Variants in KCNK10 observed in about 807,000 individuals in gnomAD.
KCNK10 encodes the protein potassium channel subfamily K member 10.
In KCNK10, 25 loss-of-function variants were observed where a neutral mutation model predicts 47.7. The observed-to-expected ratio is 0.52, with a 90% confidence interval of 0.38 to 0.73. The LOEUF is 0.73. Ranked by LOEUF, KCNK10 falls within the 30% of genes least tolerant of loss-of-function variation. KCNK10 has a pLI of 0.00. For missense variants in KCNK10, 563 were observed against 714.5 expected, an observed-to-expected ratio of 0.79 and a Z score of 2.42; for synonymous variants, 303 against 285.6, an observed-to-expected ratio of 1.06 and a Z score of -0.61.
chr14:88,267,254 CT>C (rs1370362942), intron 1 of KCNK10, among the ~76,000 whole-genome samples: 3 of 152,178 alleles, frequency 2.0e-5, no homozygotes, highest in African/African-American at 7.2e-5. Context: ...GTTACAAAAC[CT>C]TTTGTGCATT....
chr14:88,287,380 C>T (rs418742), intron 1 of KCNK10, among the ~76,000 whole-genome samples: 24,257 of 152,050 alleles, frequency 0.16, 2,577 homozygotes, highest in African/African-American at 0.3. Context: ...CATGACTAAG[C>T]TCTTTAGTGG....
chr14:88,268,831 C>T (rs1230263483), intron 1 of KCNK10, among the ~76,000 whole-genome samples: 1 of 152,188 alleles, frequency 6.6e-6, no homozygotes, highest in Non-Finnish European at 1.5e-5. Flanking sequence ...AAGGTAATAT[C>T]CTTTCTGCTA....
chr14:88,193,641 T>A (rs1402894648), intron 4 of KCNK10, among the ~76,000 whole-genome samples: 2 of 152,204 alleles, frequency 1.3e-5, no homozygotes, highest in Non-Finnish European at 1.5e-5. Context: ...ACCTGCATCC[T>A]CTTCATCGCA....
At chr14:88,207,874 A>G (rs1424899833) in intron 4 of KCNK10, among the ~76,000 whole-genome samples, 1 of 152,168 alleles carries the variant, frequency 6.6e-6, no homozygotes, top group East Asian at 1.9e-4. Flanking sequence ...GACCTCATTT[A>G]GAAGTCAGGA....
intron 4 of KCNK10, among the ~76,000 whole-genome samples, chr14:88,225,773 G>A (rs1006862102): frequency 3.9e-5 from 6 of 152,182 alleles, no homozygotes; most frequent in Non-Finnish European, 7.3e-5. Context: ...CTAAGTCAGA[G>A]GGCCATGAGG....
intron 4 of KCNK10, among the ~76,000 whole-genome samples, chr14:88,224,461 T>G (rs2139868723): frequency 6.6e-6 from 1 of 152,362 alleles, no homozygotes; most frequent in South Asian, 2.1e-4. Flanking sequence ...GGCATTTTAT[T>G]ATTCTGCAAC....
chr14:88,280,186 CAG>C (rs1887618957), intron 1 of KCNK10, among the ~76,000 whole-genome samples: 2 of 152,192 alleles, frequency 1.3e-5, no homozygotes, highest in South Asian at 4.1e-4. Context: ...GCTACCGACA[CAG>C]GGGACACCAA....
rs1595137613 is a variant in KCNK10, at chr14:88,322,995, G to A, written c.-197C>T. 1 of 1,407,524 alleles carries A rather than the reference G, an allele frequency of 7.1e-7. No homozygotes were observed. The highest frequency in any genetic ancestry group is 2.6e-5 in the East Asian group (1 of 37,772). The allele number at this position is 1,407,524 out of a possible 1,614,324, so 87.2% of individuals were successfully genotyped here. A position where few individuals can be genotyped will look rare whatever the true frequency, so the allele number is the denominator to read the frequency against. On this transcript the variant is annotated 5_prime_UTR_variant, in exon 1 of 7. Coordinates refer to ENST00000319231, the MANE Select transcript of KCNK10 (RefSeq NM_138317.3). This position sits in a 1 kb window ranked among gnomAD's most constrained non-coding sequence, Gnocchi z 4.8. ...TGGGGGAGAACTGGAGAGGGCTTGG[G>A]TGTTTGCACCGGCCAGGGGGTGGCC...
At chr14:88,252,158 G>T (rs563841145) in intron 2 of KCNK10, among the ~76,000 whole-genome samples, 1 of 151,836 alleles carries the variant, frequency 6.6e-6, no homozygotes, top group South Asian at 2.1e-4. Flanking sequence ...CAAGTGATCC[G>T]CCTGCCTCAG....
intron 4 of KCNK10, among the ~76,000 whole-genome samples, chr14:88,212,332 C>T (rs959396622): frequency 2.6e-5 from 4 of 151,524 alleles, no homozygotes; most frequent in Admixed American, 2.6e-4. Flanking sequence ...CCCAGCGATA[C>T]AGGAGGCTGA....
At chr14:88,259,203 G>A (rs925289300) in intron 2 of KCNK10, among the ~76,000 whole-genome samples, 5 of 152,230 alleles carry the variant, frequency 3.3e-5, no homozygotes, top group South Asian at 2.1e-4. Flanking sequence ...TGGTCTGTAA[G>A]AGTGGACACT....
intron 1 of KCNK10, among the ~76,000 whole-genome samples, chr14:88,267,977 C>A (rs995045501): frequency 3.3e-5 from 5 of 152,096 alleles, no homozygotes; most frequent in Admixed American, 2.6e-4. Flanking sequence ...CTGCATGAGT[C>A]CAGGTAGGAC....
rs116826075 is a variant in KCNK10, at chr14:88,309,577, G to A, written c.52+13170C>T. Among the ~76,000 whole-genome samples the A allele has an allele frequency of 5.0e-3, 762 of 152,202 alleles. 2 individuals are homozygous for A. Among genetic ancestry groups the A allele is most frequent in the African/African-American group, 0.017 (721 of 41,524 alleles). On this transcript the variant is annotated intron_variant, in intron 1 of 6. Transcript: ENST00000319231. ...TGATTGCACCGCTGCACTCCAGCTC[G>A]GGCGACAAATCAAGATCTTGTCTCA...
chr14:88,306,597 A>G (rs1181299848), intron 1 of KCNK10, among the ~76,000 whole-genome samples: 1 of 151,828 alleles, frequency 6.6e-6, no homozygotes, highest in Non-Finnish European at 1.5e-5. Context: ...CCTTCCATGA[A>G]TACCTGTCCC....
intron 6 of KCNK10, among the ~76,000 whole-genome samples, chr14:88,187,283 TA>T (rs1209900954): frequency 1.3e-5 from 2 of 150,058 alleles, no homozygotes; most frequent in Admixed American, 1.3e-4. Context: ...TCCTTTCTTT[TA>T]GCTCTTTTTT....
chr14:88,237,391 G>T (rs1467039730), intron 3 of KCNK10, among the ~76,000 whole-genome samples: 1 of 152,118 alleles, frequency 6.6e-6, no homozygotes, highest in Non-Finnish European at 1.5e-5. Context: ...GTTAATGTTG[G>T]TATTTTGACC....
intron 2 of KCNK10, 91 bp downstream of exon 2, chr14:88,263,111 A>G (rs531184517): frequency 2.1e-5 from 22 of 1,051,678 alleles, no homozygotes; most frequent in Non-Finnish European, 2.7e-5. Flanking sequence ...GAGCCTCTCA[A>G]CTGAAGGCAA....
At chr14:88,205,301 G>A (rs1046138796) in intron 4 of KCNK10, among the ~76,000 whole-genome samples, 4 of 152,046 alleles carry the variant, frequency 2.6e-5, no homozygotes, top group African/African-American at 9.7e-5. Context: ...TTTAATGCTT[G>A]TCAGACTCCT....
intron 3 of KCNK10, among the ~76,000 whole-genome samples, chr14:88,233,598 T>G (rs1371997242): frequency 1.3e-5 from 2 of 152,208 alleles, no homozygotes; most frequent in Non-Finnish European, 2.9e-5. Context: ...ATCCAAGGGC[T>G]AAGAGCCATT....
Sources: allele counts gnomAD v4.1 joint callset (sites outside exome capture counted in the v4.1 genomes callset), GRCh38; gene constraint gnomAD v4.1.1; non-coding constraint Gnocchi (gnomAD v3.1); transcripts MANE v1.5; gene names NCBI Gene and HGNC (gene_info 2026-07-23, HGNC 2026-07-21).